Variants in RNF6 observed in about 807,000 individuals in gnomAD.
The protein encoded by RNF6 is ring finger protein 6.
In RNF6, 21 loss-of-function variants were observed where a neutral mutation model predicts 50.1. The observed-to-expected ratio is 0.42, with a 90% confidence interval of 0.30 to 0.60. The LOEUF (loss-of-function observed/expected upper bound fraction) is 0.60, where lower values mean the gene tolerates loss of function less well. Among genes scored for constraint, RNF6 ranks in the 20% least tolerant of loss-of-function variants. The pLI is 0.20. For missense variants in RNF6, 698 were observed against 838.2 expected, an observed-to-expected ratio of 0.83 and a Z score of 2.07; for synonymous variants, 255 against 291.8, an observed-to-expected ratio of 0.87 and a Z score of 1.29.
At chr13:26,217,147 G>C (rs1458251195) in intron 4 of RNF6, among the ~76,000 whole-genome samples, 1 of 152,106 alleles carries the variant, frequency 6.6e-6, no homozygotes, top group Non-Finnish European at 1.5e-5. Flanking sequence ...TATTTGATGA[G>C]TACATTTTCC....
chr13:26,163,036 C>A (rs1215018937), intron 5 of RNF6, among the ~76,000 whole-genome samples: 1 of 152,046 alleles, frequency 6.6e-6, no homozygotes, highest in South Asian at 2.1e-4. Context: ...TGTGGCCGGG[C>A]GCGGTGGCTC....
At chr13:26,212,441 C>A (rs1869367501), downstream of RNF6, among the ~76,000 whole-genome samples, 1 of 152,058 alleles carries the variant, frequency 6.6e-6, no homozygotes, top group African/African-American at 2.4e-5. Context: ...AACATAGTCA[C>A]CAGTCAGAAA....
chr13:26,215,094 C>A lies in RNF6; in HGVS notation c.788G>T (p.Gly263Val). The A allele has an allele frequency of 6.2e-7, 1 of 1,614,226 alleles. No homozygotes were observed. The highest frequency in any genetic ancestry group is 1.1e-5 in the South Asian group (1 of 91,090). The change falls in exon 5 of 5, where the codon GGT becomes GTT. Residue 263 changes from glycine (G) to valine (V), a missense_variant. By Grantham distance (109) the Gly-to-Val change is moderately radical. Transcript: ENST00000381588. ...TNFSSHTNQS[G>V]GSELRQREGQ... ...CTCCCTTTGCCTGAGTTCACTACCA[C>A]CTGATTGGTTTGTGTGACTACTGAA...
At position 26,172,839 on chromosome 13, in the gene RNF6, G is replaced by A. The variant is rs145239136; in HGVS notation, n.769-40388C>T. ...ATTACAGGCGTGAGCCACCGCACCC[G>A]GCCTAGAATATATCTTTACTGTATA... is the stretch of plus-strand genomic sequence containing the variant. On this transcript the variant is annotated intron_variant and non_coding_transcript_variant, in intron 5 of 5. Transcript: ENST00000468480. Among the ~76,000 whole-genome samples the A allele has an allele frequency of 2.2e-3, 339 of 152,130 alleles. 2 individuals carry two copies. The highest frequency in any genetic ancestry group is 7.7e-3 in the African/African-American group (321 of 41,474).
intron 5 of RNF6, among the ~76,000 whole-genome samples, chr13:26,157,433 TA>T (rs982811080): frequency 2.0e-5 from 3 of 152,026 alleles, no homozygotes; most frequent in Admixed American, 2.0e-4. Flanking sequence ...AAAGTTCTGT[TA>T]AGAAAGAAAC....
chr13:26,169,857 T>C, intron 5 of RNF6, among the ~76,000 whole-genome samples: 1 of 152,184 alleles, frequency 6.6e-6, no homozygotes, highest in Non-Finnish European at 1.5e-5. Context: ...ACCTGACTCT[T>C]AAAAACTCTT....
intron 5 of RNF6, among the ~76,000 whole-genome samples, chr13:26,153,491 A>G (rs1322891345): frequency 6.6e-6 from 1 of 152,130 alleles, no homozygotes; most frequent in Non-Finnish European, 1.5e-5. Flanking sequence ...GGATTCAGGC[A>G]TGAGCCACCG....
At chr13:26,168,347 C>T (rs1033886688) in intron 5 of RNF6, among the ~76,000 whole-genome samples, 4 of 152,112 alleles carry the variant, frequency 2.6e-5, no homozygotes, top group Admixed American at 6.6e-5. Flanking sequence ...GGCCCTTCTG[C>T]GTGAGATAAA....
At chr13:26,219,709 G>A (rs1316443414) in intron 2 of RNF6, 42 bp from the exon 3 acceptor site, 2 of 1,515,924 alleles carry the variant, frequency 1.3e-6, no homozygotes, top group Non-Finnish European at 1.8e-6. Context: ...GTTAAGTCAT[G>A]GACCACATTT....
chr13:26,139,289 G>A (rs1157261191), intron 5 of RNF6, among the ~76,000 whole-genome samples: 2 of 152,148 alleles, frequency 1.3e-5, no homozygotes, highest in African/African-American at 2.4e-5. Context: ...CTGGAATTAT[G>A]AGGACTGACC....
At chr13:26,172,464 T>C (rs1872740118) in intron 5 of RNF6, among the ~76,000 whole-genome samples, 1 of 151,962 alleles carries the variant, frequency 6.6e-6, no homozygotes, top group African/African-American at 2.4e-5. Flanking sequence ...AAAATACTAA[T>C]TAATCTGACT....
rs1870255038 is a variant in RNF6, at chr13:26,219,554, C to A, written c.96G>T (p.Glu32Asp). Reference protein sequence around the residue: ...HHENERRWQQERLHREEAYYQ... With the variant: ...HHENERRWQQDRLHREEAYYQ... The stretch of plus-strand genomic sequence containing the variant: ...AATAGGCCTCTTCTCTGTGGAGACG[C>A]TCTTGCTGCCATCTTCTCTCATTTT... Residue 32 changes from glutamate (E) to aspartate (D), a missense_variant, in exon 3 of 5, where the codon GAG becomes GAT. Physicochemically the swap from Glu to Asp is conservative, Grantham distance 45. Transcript: ENST00000381588. The A allele has an allele frequency of 1.2e-6, 2 of 1,613,914 alleles. No individual in the cohort carries two copies. The highest frequency in any genetic ancestry group is 2.7e-5 in the African/African-American group (2 of 74,904).
At position 26,190,734 on chromosome 13, in the gene RNF6, G is replaced by A. The variant is rs117994752; in HGVS notation, n.768+24740C>T. Among the ~76,000 whole-genome samples the A allele has an allele frequency of 7.6e-3, 1,161 of 152,228 alleles. 9 individuals carry two copies. Among genetic ancestry groups the A allele is most frequent in the Middle Eastern group, 0.041 (12 of 294 alleles). On this transcript the variant is annotated intron_variant and non_coding_transcript_variant, in intron 5 of 5. Transcript: ENST00000468480. ...ACATTTGAACACCTATGATATGTGG[G>A]TGCTATTCTAGGCTCCAGCAATAAA...
intron 5 of RNF6, chr13:26,142,489 TGG>T (rs1323578951): frequency 6.6e-6 from 1 of 152,156 alleles, no homozygotes; most frequent in African/African-American, 2.4e-5. Context: ...CCATCAGTGG[TGG>T]ACTGGATAAA....
In RNF6 at chr13:26,199,156, T is replaced by C. The variant is rs1868796230; in HGVS notation, n.768+16318A>G. 2.0e-5 allele frequency among the ~76,000 whole-genome samples: 3 copies of C among 152,164 alleles called. No homozygotes were observed. The South Asian group carries it at 6.2e-4, about 31-fold the overall frequency. ...AATGTATATGAAAATGCAAAGGACC[T>C]AGGGCAGTCAAAATAGTGTAGAATG... On this transcript the variant is annotated intron_variant and non_coding_transcript_variant, in intron 5 of 5. Coordinates refer to the RNF6 transcript ENST00000468480.
chr13:26,138,699 A>T (rs1166679478), intron 5 of RNF6, among the ~76,000 whole-genome samples: 1 of 152,216 alleles, frequency 6.6e-6, no homozygotes, highest in East Asian at 1.9e-4. Flanking sequence ...TAAGATTAAG[A>T]TGCTAATAGT....
At chr13:26,132,225 T>G in exon 6 of RNF6, 1 of 290,162 alleles carries the variant, frequency 3.4e-6, no homozygotes, top group South Asian at 3.4e-5. Context: ...TATGAACAAG[T>G]ACAATGTTTT....
In RNF6 at chr13:26,214,522, G is replaced by A. The variant is rs1363890327; in HGVS notation, c.1360C>T (p.Arg454Ter). The stretch of plus-strand genomic sequence containing the variant: ...ACTGTTATGGTACTAACATAGGTTC[G>A]AATACCTGACCGCTCTAAACGAGAA... ...TISRLERSGI[R>*]TYVSTITVPL... The change falls in exon 5 of 5, where the codon CGA becomes TGA. Residue 454 changes from arginine to a stop codon, truncating the protein, a stop_gained. Transcript: ENST00000381588. LOFTEE classifies it high-confidence loss of function. 6.2e-7 allele frequency: 1 copy of A among 1,614,080 alleles called. No homozygotes were observed. The highest frequency in any genetic ancestry group is 8.5e-7 in the Non-Finnish European group (1 of 1,180,020).
intron 5 of RNF6, among the ~76,000 whole-genome samples, chr13:26,185,814 T>C (rs1873491572): frequency 6.6e-6 from 1 of 152,214 alleles, no homozygotes. Context: ...TCTAAACTTG[T>C]GTTCTCTACG....
Sources: allele counts gnomAD v4.1 joint callset (sites outside exome capture counted in the v4.1 genomes callset), GRCh38; gene constraint gnomAD v4.1.1; transcripts MANE v1.5; gene names NCBI Gene and HGNC (gene_info 2026-07-23, HGNC 2026-07-21).